HPS5: variants seen among roughly 807,000 people sequenced by gnomAD.
HPS5 encodes the protein HPS5 biogenesis of lysosomal organelles complex 2 subunit 2.
A neutral mutation model predicts 128.0 loss-of-function variants in HPS5; 83 were observed. That is an observed-to-expected ratio of 0.65 (90% CI 0.54 to 0.78). The LOEUF (loss-of-function observed/expected upper bound fraction) is 0.78, where lower values mean the gene tolerates loss of function less well. Ranked by LOEUF, HPS5 falls within the 30% of genes least tolerant of loss-of-function variation. HPS5 has a pLI of 0.00. For missense variants in HPS5, 1,281 were observed against 1,326.2 expected, an observed-to-expected ratio of 0.97 and a Z score of 0.53; for synonymous variants, 475 against 470.2, an observed-to-expected ratio of 1.01 and a Z score of -0.13.
chr11:18,314,243 C>T (rs545874158), intron 2 of HPS5, among the ~76,000 whole-genome samples: 1 of 151,862 alleles, frequency 6.6e-6, no homozygotes, highest in Non-Finnish European at 1.5e-5. Flanking sequence ...CGCATCCCCC[C>T]TCCCCCGACC....
At chr11:18,281,767 C>A (rs1858999869) in intron 22 of HPS5, 183 bp downstream of exon 22, 1 of 716,168 alleles carries the variant, frequency 1.4e-6, no homozygotes, top group Non-Finnish European at 2.5e-6. Context: ...ATCTGAACAG[C>A]ATCTTGGTCA....
intron 11 of HPS5, 35 bp from the exon 12 acceptor site, chr11:18,297,019 T>TA (rs756949796): frequency 8.1e-6 from 10 of 1,238,926 alleles, no homozygotes; most frequent in Non-Finnish European, 1.2e-5. Flanking sequence ...AAAAAAAAGG[T>TA]AAAAATTTCC....
In HPS5 at chr11:18,298,712, G is replaced by C. The variant is rs978353338; in HGVS notation, c.1164+80C>G. 6.3e-6 allele frequency: 9 copies of C among 1,429,986 alleles called. No homozygotes were observed. In the African/African-American group the frequency reaches 8.4e-5, roughly 13 times the overall value. The allele number at this position is 1,429,986 out of a possible 1,614,324, so 88.6% of individuals were successfully genotyped here. ...ACACAGACAGGGTTAATAAAATCAA[G>C]CAACTTTGTAACACAATCTTGCAAG... On this transcript the variant is annotated intron_variant, in intron 10 of 22. Coordinates refer to ENST00000349215, the MANE Select transcript of HPS5 (RefSeq NM_181507.2).
rs1426511060 is a variant in HPS5 at position 18,285,433 on chromosome 11, C to A, written c.2864G>T (p.Gly955Val). Residue 955 changes from glycine (G) to valine (V), a missense_variant, in exon 20 of 23, where the codon GGT (glycine) becomes GTT (valine). Coordinates refer to ENST00000349215, the MANE Select transcript of HPS5 (RefSeq NM_181507.2). Reference sequence around the variant, plus strand: ...TAGATGAAGGATCAGCTGACTGTAACCCCAGGAAAGCAAGTGTGAATGAGG... The same window carrying A: ...TAGATGAAGGATCAGCTGACTGTAAACCCAGGAAAGCAAGTGTGAATGAGG... ...PRPHSHLLSW[G>V]YSQLILHLIK... 1 of 1,612,546 alleles carries A rather than the reference C, an allele frequency of 6.2e-7. No homozygotes were observed. The highest frequency in any genetic ancestry group is 8.5e-7 in the Non-Finnish European group (1 of 1,178,898).
intron 13 of HPS5, among the ~76,000 whole-genome samples, chr11:18,295,633 C>G (rs917249367): frequency 2.6e-5 from 4 of 152,250 alleles, no homozygotes; most frequent in African/African-American, 9.6e-5. Context: ...AATGTCAACC[C>G]TGGTCCCATG....
chr11:18,299,345 T>C (rs1861444557), intron 9 of HPS5, among the ~76,000 whole-genome samples: 1 of 152,224 alleles, frequency 6.6e-6, no homozygotes, highest in East Asian at 1.9e-4. Flanking sequence ...TGTAAATCAA[T>C]ATACAGTTCA....
intron 2 of HPS5, among the ~76,000 whole-genome samples, chr11:18,312,462 G>A (rs1863124515): frequency 6.6e-6 from 1 of 152,192 alleles, no homozygotes; most frequent in Non-Finnish European, 1.5e-5. Flanking sequence ...AAGTCTTAGG[G>A]TAGGTGAGAC....
chr11:18,319,294 C>CACACACAT (rs1491588955), intron 1 of HPS5, among the ~76,000 whole-genome samples: 1 of 103,282 alleles, frequency 9.7e-6, no homozygotes, highest in African/African-American at 3.0e-5. Context: ...CACACACACA[C>CACACACAT]ATCTTATAAG....
chr11:18,280,476 G>A, intron 22 of HPS5: 2 of 668,182 alleles, frequency 3.0e-6, no homozygotes, highest in Non-Finnish European at 5.4e-6. Context: ...AGAACAGTAT[G>A]GTGGTTCCTC....
At chr11:18,318,879 T>C (rs1468375701) in intron 1 of HPS5, among the ~76,000 whole-genome samples, 4 of 152,194 alleles carry the variant, frequency 2.6e-5, no homozygotes, top group African/African-American at 9.7e-5. Context: ...GTGCCAGACA[T>C]TATTCTAGGT....
chr11:18,298,895 AG>A lies in HPS5; in HGVS notation c.1060del (p.Leu354Ter). The A allele has an allele frequency of 6.2e-7, 1 of 1,614,026 alleles. No homozygotes were observed. The highest frequency in any genetic ancestry group is 1.6e-4 in the Middle Eastern group (1 of 6,062). On this transcript the variant is annotated frameshift_variant, in exon 10 of 23. Coordinates refer to ENST00000349215, the MANE Select transcript of HPS5 (RefSeq NM_181507.2). LOFTEE classifies it high-confidence loss of function. Reference sequence around the variant, plus strand: ...TTCCACACAGCGCTCCACAGATATCAGGGAGAGATGTGAGACTTTCCCATTT... The same window carrying A: ...TTCCACACAGCGCTCCACAGATATCAGGAGAGATGTGAGACTTTCCCATTT... ...HLNGKVSHLSLISVERCVERL... is the reference protein window; with the variant it reads ...HLNGKVSHLSXISVERCVERL...
At chr11:18,287,716 G>A (rs1859914389) in intron 17 of HPS5, 26 bp from the exon 18 acceptor site, 1 of 1,612,744 alleles carries the variant, frequency 6.2e-7, no homozygotes, top group Non-Finnish European at 8.5e-7. Flanking sequence ...AAACACTTTA[G>A]TCTCTAATTT....
intron 21 of HPS5, 143 bp from the exon 22 acceptor site, chr11:18,282,363 T>A (rs1184342497): frequency 3.4e-6 from 3 of 893,508 alleles, no homozygotes; most frequent in Non-Finnish European, 5.2e-6. Flanking sequence ...CACAAGTTGT[T>A]TTCTGAAAAT....
At chr11:18,286,177 T>C (rs867089927) in intron 19 of HPS5, among the ~76,000 whole-genome samples, 18 of 152,246 alleles carry the variant, frequency 1.2e-4, no homozygotes, top group African/African-American at 3.6e-4. Context: ...TAGCTATTTC[T>C]AAAGTGAGCC....
At chr11:18,311,528 TGAGACTGAG>T in intron 3 of HPS5, 77 bp from the exon 4 acceptor site, 1 of 800,194 alleles carries the variant, frequency 1.2e-6, no homozygotes, top group Non-Finnish European at 1.8e-6. Flanking sequence ...TTTTTTTTTT[TGAGACTGAG>T]TCTCGCTCTG....
intron 2 of HPS5, among the ~76,000 whole-genome samples, chr11:18,315,877 T>G (rs1933889833): frequency 6.6e-6 from 1 of 152,198 alleles, no homozygotes; most frequent in Non-Finnish European, 1.5e-5. Flanking sequence ...TGCCTCCCAC[T>G]TGCTAGGTCT....
chr11:18,310,538 C>T, intron 5 of HPS5, among the ~76,000 whole-genome samples: 1 of 152,190 alleles, frequency 6.6e-6, no homozygotes, highest in Non-Finnish European at 1.5e-5. Context: ...AGTTAGTTCA[C>T]AAAAGCCATT....
chr11:18,285,434 C>T lies in HPS5; in HGVS notation c.2863G>A (p.Gly955Ser). ...PRPHSHLLSW[G>S]YSQLILHLIK... ...AGATGAAGGATCAGCTGACTGTAACCCCAGGAAAGCAAGTGTGAATGAGGC... is the reference window on the plus strand; with the variant it reads ...AGATGAAGGATCAGCTGACTGTAACTCCAGGAAAGCAAGTGTGAATGAGGC... Residue 955 changes from glycine (G) to serine (S), a missense_variant, in exon 20 of 23, where the codon GGT (glycine) becomes AGT (serine). By Grantham distance (56) the Gly-to-Ser change is moderately conservative (BLOSUM62 0). Transcript: ENST00000349215. The T allele has an allele frequency of 6.2e-7, 1 of 1,612,410 alleles. No homozygotes were observed. Among genetic ancestry groups the T allele is most frequent in the Non-Finnish European group, 8.5e-7 (1 of 1,178,756 alleles).
At chr11:18,311,301 C>T in intron 4 of HPS5, 86 bp downstream of exon 4, 2 of 975,162 alleles carry the variant, frequency 2.1e-6, no homozygotes, top group Non-Finnish European at 3.3e-6. Flanking sequence ...CTAGGCAAAC[C>T]AGGATGGTTG....
Sources: allele counts gnomAD v4.1 joint callset (sites outside exome capture counted in the v4.1 genomes callset), GRCh38; gene constraint gnomAD v4.1.1; transcripts MANE v1.5; gene names NCBI Gene and HGNC (gene_info 2026-07-23, HGNC 2026-07-21).